LIN52: variants seen among roughly 807,000 people sequenced by gnomAD.
LIN52 encodes the protein lin-52 DREAM MuvB core complex component, also known as protein lin-52 homolog.
Under a neutral mutation model 18.5 loss-of-function variants are expected in LIN52, and 4 were observed. The ratio of observed to expected loss-of-function variants is 0.22; its 90% CI spans 0.11 to 0.49. LIN52 has a LOEUF of 0.49. Ranked by LOEUF, LIN52 falls within the 20% of genes least tolerant of loss-of-function variation. The pLI is 0.97. For missense variants in LIN52, 102 were observed against 139.5 expected, an observed-to-expected ratio of 0.73 and a Z score of 1.35; for synonymous variants, 34 against 45.5, an observed-to-expected ratio of 0.75 and a Z score of 1.02.
At chr14:74,101,276 C>G (rs371223670) in intron 5 of LIN52, 38 bp downstream of exon 5, 8 of 1,434,102 alleles carry the variant, frequency 5.6e-6, no homozygotes, top group Admixed American at 2.2e-5. Flanking sequence ...GGGTGTATTC[C>G]ACCCTGAGCT....
At chr14:74,154,098 ATTTCCTTAGCT>A (rs1039309421) in intron 5 of LIN52, among the ~76,000 whole-genome samples, 1 of 151,324 alleles carries the variant, frequency 6.6e-6, no homozygotes, top group Admixed American at 6.6e-5. Context: ...CTTTATTCAC[ATTTCCTTAGCT>A]TTTCCTTAAT....
chr14:74,089,600 T>A (rs1333045497), intron 1 of LIN52, among the ~76,000 whole-genome samples: 1 of 152,022 alleles, frequency 6.6e-6, no homozygotes, highest in African/African-American at 2.4e-5. Flanking sequence ...ACTCGTGAGC[T>A]CAAGCAATCC....
At chr14:74,140,261 A>G (rs1485854327) in intron 5 of LIN52, among the ~76,000 whole-genome samples, 1 of 152,104 alleles carries the variant, frequency 6.6e-6, no homozygotes, top group Non-Finnish European at 1.5e-5. Flanking sequence ...AATGTGCATG[A>G]TTTTGCCCTA....
chr14:74,172,633 G>A (rs1445097414), intron 5 of LIN52, among the ~76,000 whole-genome samples: 5 of 152,204 alleles, frequency 3.3e-5, no homozygotes, highest in Non-Finnish European at 7.3e-5. Flanking sequence ...GATGTGTGGA[G>A]CAGGTACAAC....
chr14:74,118,634 C>A (rs2060977991), intron 5 of LIN52, among the ~76,000 whole-genome samples: 1 of 151,258 alleles, frequency 6.6e-6, no homozygotes, highest in Non-Finnish European at 1.5e-5. Context: ...ATTAGCCGGG[C>A]CTGCTGGTGT....
intron 5 of LIN52, among the ~76,000 whole-genome samples, chr14:74,192,043 C>A (rs1438041045): frequency 1.3e-5 from 2 of 152,316 alleles, no homozygotes; most frequent in East Asian, 1.9e-4. Context: ...GCTTAATACA[C>A]CACAGTATGC....
intron 2 of LIN52, among the ~76,000 whole-genome samples, chr14:74,094,192 G>A (rs554935157): frequency 1.3e-5 from 2 of 151,184 alleles, no homozygotes; most frequent in East Asian, 3.9e-4. Context: ...ATATTTCATT[G>A]TATGGATATA....
At chr14:74,154,998 A>C (rs1268968785) in intron 5 of LIN52, among the ~76,000 whole-genome samples, 1 of 152,216 alleles carries the variant, frequency 6.6e-6, no homozygotes, top group Non-Finnish European at 1.5e-5. Context: ...GCCTAGTGAC[A>C]ACATTTCAAA....
At chr14:74,105,944 T>C (rs954509220) in intron 5 of LIN52, among the ~76,000 whole-genome samples, 2 of 152,208 alleles carry the variant, frequency 1.3e-5, no homozygotes, top group African/African-American at 4.8e-5. Context: ...ACCCTTTGAA[T>C]TGGTACATGA....
chr14:74,162,210 T>C (rs1445296997), intron 5 of LIN52, among the ~76,000 whole-genome samples: 2 of 152,086 alleles, frequency 1.3e-5, no homozygotes, highest in African/African-American at 2.4e-5. Flanking sequence ...AATAAAAAAT[T>C]GCCGCCTGTA....
At chr14:74,104,970 C>G (rs780530888) in intron 5 of LIN52, among the ~76,000 whole-genome samples, 1 of 152,162 alleles carries the variant, frequency 6.6e-6, no homozygotes, top group African/African-American at 2.4e-5. Context: ...AATATTCTGT[C>G]ATTTCTCTCA....
intron 5 of LIN52, among the ~76,000 whole-genome samples, chr14:74,120,892 C>G (rs1408129167): frequency 1.3e-5 from 2 of 151,722 alleles, no homozygotes; most frequent in African/African-American, 4.8e-5. Flanking sequence ...GCCTGGGCAA[C>G]AGAGCGAGAC....
chr14:74,100,302 T>C (rs1178049751), intron 4 of LIN52, among the ~76,000 whole-genome samples: 2 of 152,212 alleles, frequency 1.3e-5, no homozygotes, highest in East Asian at 3.9e-4. Context: ...TTTGTTACTT[T>C]ATTATTTTTT....
At chr14:74,153,376 A>G (rs1176310010) in intron 5 of LIN52, among the ~76,000 whole-genome samples, 1 of 152,072 alleles carries the variant, frequency 6.6e-6, no homozygotes, top group Admixed American at 6.6e-5. Context: ...GATATTTTGC[A>G]TGGGGTTATC....
intron 5 of LIN52, among the ~76,000 whole-genome samples, chr14:74,156,331 A>C (rs556696821): frequency 6.6e-6 from 1 of 152,174 alleles, no homozygotes; most frequent in African/African-American, 2.4e-5. Context: ...CCTTTTTTAC[A>C]TGTCAATCTA....
chr14:74,098,745 A>G (rs1407520910), intron 4 of LIN52, among the ~76,000 whole-genome samples: 1 of 151,854 alleles, frequency 6.6e-6, no homozygotes, highest in Non-Finnish European at 1.5e-5. Flanking sequence ...ATGGGGTTTC[A>G]CCATGTTGGC....
At chr14:74,128,968 A>G (rs1460226869) in intron 5 of LIN52, among the ~76,000 whole-genome samples, 3 of 151,676 alleles carry the variant, frequency 2.0e-5, no homozygotes, top group Middle Eastern at 3.4e-3. Flanking sequence ...CAAAACAAAA[A>G]CAACAACCCT....
At chr14:74,126,888 A>G (rs540305105) in intron 5 of LIN52, among the ~76,000 whole-genome samples, 2 of 152,378 alleles carry the variant, frequency 1.3e-5, no homozygotes, top group South Asian at 4.1e-4. Flanking sequence ...TTTCACCTCA[A>G]TCAAAAACTA....
At chr14:74,145,848 C>T (rs1309341805) in intron 5 of LIN52, among the ~76,000 whole-genome samples, 1 of 152,122 alleles carries the variant, frequency 6.6e-6, no homozygotes, top group African/African-American at 2.4e-5. Flanking sequence ...AAACACCTTG[C>T]CCTGTGTCTG....
Sources: gnomAD v4.1 joint callset for allele counts (sites outside exome capture counted in the v4.1 genomes callset) on GRCh38, gnomAD v4.1.1 for gene constraint, MANE v1.5 for transcripts, NCBI Gene and HGNC (gene_info 2026-07-23, HGNC 2026-07-21) for gene names.